LHX4: variants seen among roughly 807,000 people sequenced by gnomAD.
The protein encoded by LHX4 is LIM homeobox 4.
A neutral mutation model predicts 39.2 loss-of-function variants in LHX4; 16 were observed. The observed-to-expected ratio is 0.41, with a 90% CI of 0.28 to 0.62. The LOEUF (loss-of-function observed/expected upper bound fraction) is 0.62. Ranked by LOEUF, LHX4 falls within the 20% of genes least tolerant of loss-of-function variation. LHX4 has a pLI of 0.33. For synonymous variants in LHX4, 206 were observed against 198.1 expected (o/e 1.04, Z -0.33); for missense variants, 439 against 511.9 (o/e 0.86, Z 1.37).
rs571614917 is a variant in LHX4, at chr1:180,234,703, G to T, written c.76+4098G>T. Among the ~76,000 whole-genome samples, 2 of 152,360 alleles carry T rather than the reference G, an allele frequency of 1.3e-5. No homozygotes were observed. Among genetic ancestry groups the T allele is most frequent in the East Asian group, 1.9e-4 (1 of 5,180 alleles). On this transcript the variant is annotated intron_variant, in intron 1 of 5. Coordinates refer to ENST00000263726, the MANE Select transcript of LHX4 (RefSeq NM_033343.4). This position sits in a 1 kb window ranked among gnomAD's most constrained non-coding sequence, Gnocchi z 4.8. ...GGCAAAGGTCTGCATTGAGCAGTCC[G>T]CAGTGTCCCGGGAAGTCGTAAAGTC...
At position 180,275,845 on chromosome 1, in the gene LHX4, G is replaced by C. The variant is rs1025143576; in HGVS notation, c.*1266G>C. 1.3e-5 allele frequency: 2 copies of C among 152,274 alleles called. No homozygotes were observed. Among genetic ancestry groups the C allele is most frequent in the African/African-American group, 4.8e-5 (2 of 41,456 alleles). 9.4% of individuals were successfully genotyped at this position (152,274 alleles called of 1,614,324 possible). A position where few individuals can be genotyped will look rare whatever the true frequency, so the allele number is the denominator to read the frequency against. On this transcript the variant is annotated 3_prime_UTR_variant, in exon 6 of 6. Coordinates refer to ENST00000263726, the MANE Select transcript of LHX4 (RefSeq NM_033343.4). ...AGAAAGCCAGAACTCTCTGGCCAGT[G>C]GTGGTGCAGGGACTCCCCGTTGTGC...
intron 1 of LHX4, 127 bp from the exon 2 acceptor site, chr1:180,248,158 C>T: frequency 1.2e-6 from 1 of 838,334 alleles, no homozygotes; most frequent in Non-Finnish European, 2.0e-6. Flanking sequence ...CTATATGCAA[C>T]AGCTCTGCGG....
At chr1:180,235,837 A>G (rs2149252525) in intron 1 of LHX4, among the ~76,000 whole-genome samples, 1 of 152,302 alleles carries the variant, frequency 6.6e-6, no homozygotes, top group East Asian at 1.9e-4. Context: ...ACTGGGACCG[A>G]GCGCATCCCT....
At chr1:180,273,625 C>CAGTGAAGA (rs1648827677) in intron 5 of LHX4, 1 of 152,962 alleles carries the variant, frequency 6.5e-6, no homozygotes, top group African/African-American at 2.4e-5. Context: ...TCTTTGTCCC[C>CAGTGAAGA]AGTGAAGAGC....
intron 2 of LHX4, among the ~76,000 whole-genome samples, chr1:180,253,418 G>C (rs2149258347): frequency 6.6e-6 from 1 of 152,332 alleles, no homozygotes; most frequent in East Asian, 1.9e-4. Flanking sequence ...AGCCAGCTGG[G>C]TGCCCCTAGG....
intron 1 of LHX4, among the ~76,000 whole-genome samples, chr1:180,233,580 C>T (rs1204995393): frequency 6.6e-6 from 1 of 152,246 alleles, no homozygotes; most frequent in Non-Finnish European, 1.5e-5. Flanking sequence ...CCCTGCTGGC[C>T]GGCCATGCCC....
intron 1 of LHX4, among the ~76,000 whole-genome samples, chr1:180,237,823 G>C (rs1212011577): frequency 2.0e-5 from 3 of 152,206 alleles, no homozygotes; most frequent in African/African-American, 7.2e-5. Context: ...AAAGTTTCTT[G>C]CTATGAGGGA....
chr1:180,260,557 C>A (rs1648072364), intron 2 of LHX4, among the ~76,000 whole-genome samples: 1 of 151,882 alleles, frequency 6.6e-6, no homozygotes, highest in African/African-American at 2.4e-5. Context: ...TAGTCCTCTC[C>A]TGGGGTCCAG....
rs1571254388 is a variant in LHX4 at position 180,234,192 on chromosome 1, T to C, written c.76+3587T>C. ...AATTATATATATATATATATATATATATATATATATATATATATATATATA... is the reference window on the plus strand; with the variant it reads ...AATTATATATATATATATATATATACATATATATATATATATATATATATA... On this transcript the variant is annotated intron_variant, in intron 1 of 5. Transcript: ENST00000263726. The surrounding 1 kb of genome is among the most constrained non-coding windows in gnomAD (Gnocchi z 4.8). Among the ~76,000 whole-genome samples, 1 of 75,162 alleles carries C rather than the reference T, an allele frequency of 1.3e-5. No homozygotes were observed. Among genetic ancestry groups the C allele is most frequent in the Non-Finnish European group, 2.7e-5 (1 of 37,502 alleles). The allele number at this position is 75,162 out of a possible 152,430, so 49.3% of individuals were successfully genotyped here.
At position 180,230,561 on chromosome 1, in the gene LHX4, G is replaced by C. The variant is rs1203562401; in HGVS notation, c.32G>C (p.Gly11Ala). The C allele has an allele frequency of 1.9e-6, 3 of 1,613,882 alleles. No individual in the cohort carries two copies. The highest frequency in any genetic ancestry group is 2.5e-6 in the Non-Finnish European group (3 of 1,180,012). Residue 11 changes from glycine (G) to alanine (A), a missense_variant, in exon 1 of 6, where the codon GGG becomes GCG. Transcript: ENST00000263726. The surrounding 1 kb of genome is among the most constrained non-coding windows in gnomAD (Gnocchi z 5.8). MMQSATVPAEGAVKGLPEMLG... is the reference protein window; with the variant it reads MMQSATVPAEAAVKGLPEMLG... ...CAGAGTGCGACTGTCCCCGCGGAAG[G>C]GGCTGTCAAGGGGCTCCCGGAGATG...
intron 1 of LHX4, among the ~76,000 whole-genome samples, chr1:180,242,590 T>C (rs1385907054): frequency 6.6e-6 from 1 of 152,100 alleles, no homozygotes; most frequent in African/African-American, 2.4e-5. Context: ...TGGGCTTAGG[T>C]CTATGCCTCG....
At chr1:180,261,221 A>C (rs530793849) in intron 2 of LHX4, among the ~76,000 whole-genome samples, 15 of 150,064 alleles carry the variant, frequency 1.0e-4, no homozygotes, top group Non-Finnish European at 2.1e-4. Context: ...AGGGGAGCTG[A>C]CCGCTGGGCT....
chr1:180,249,291 C>T (rs184950191), intron 2 of LHX4, among the ~76,000 whole-genome samples: 1 of 152,320 alleles, frequency 6.6e-6, no homozygotes, highest in East Asian at 1.9e-4. Context: ...TCAAAAACTT[C>T]CTGTTGGAGC....
upstream of LHX4, among the ~76,000 whole-genome samples, chr1:180,228,613 T>C (rs4259598): frequency 0.06 from 9,127 of 152,260 alleles, 521 homozygotes; most frequent in African/African-American, 0.15. Context: ...CTTTTGCTTT[T>C]TTCTTCTTGT....
In LHX4 at chr1:180,271,391, G is replaced by C; in HGVS notation, c.463G>C (p.Ala155Pro). 6.2e-7 allele frequency: 1 copy of C among 1,614,184 alleles called. No individual in the cohort carries two copies. The highest frequency in any genetic ancestry group is 1.7e-5 in the Admixed American group (1 of 60,026). Residue 155 changes from alanine (A) to proline (P), a missense_variant, in exon 4 of 6, where the codon GCT becomes CCT. Transcript: ENST00000263726. ...GTTTTTCCTTGCAGATGACTCAGAG[G>C]CTGGAGCTAAGCGGCCCCGGACCAC... ...ETAKQNDDSE[A>P]GAKRPRTTIT...
chr1:180,270,776 T>A (rs750495241), intron 3 of LHX4: 1 of 158,372 alleles, frequency 6.3e-6, no homozygotes, highest in Non-Finnish European at 1.4e-5. Context: ...CTTCATCTGA[T>A]TTCCTGTTTT....
Position 180,274,604 on chromosome 1 carries a change from GC to G in LHX4, c.*31del, listed in dbSNP as rs546149199. On this transcript the variant is annotated 3_prime_UTR_variant, in exon 6 of 6. Transcript: ENST00000263726. ...AACTTCTCTCCTCCCCACCCTACCT[GC>G]CCCCCTGGCTTGAGAGAATATCTTC... 2.2e-5 allele frequency: 34 copies of G among 1,536,918 alleles called. No homozygotes were observed. The highest frequency in any genetic ancestry group is 2.9e-5 in the Non-Finnish European group (33 of 1,144,746).
intron 2 of LHX4, among the ~76,000 whole-genome samples, chr1:180,255,782 C>T (rs567820142): frequency 1.2e-4 from 19 of 152,366 alleles, no homozygotes; most frequent in African/African-American, 3.4e-4. Context: ...CCACCCTCCC[C>T]GAGTGGGGCC....
rs1424221942 is a variant in LHX4, at chr1:180,274,805, T to TA, written c.*228dup. The TA allele has an allele frequency of 1.9e-6, 1 of 539,696 alleles. No individual in the cohort carries two copies. The highest frequency in any genetic ancestry group is 3.2e-5 in the Admixed American group (1 of 31,156). The allele number at this position is 539,696 out of a possible 1,614,324, so 33.4% of individuals were successfully genotyped here. On this transcript the variant is annotated 3_prime_UTR_variant, in exon 6 of 6. Coordinates refer to ENST00000263726, the MANE Select transcript of LHX4 (RefSeq NM_033343.4). The stretch of plus-strand genomic sequence containing the variant: ...TCATCTCAGAACACAGCACAGGGGG[T>TA]AATGGCCTAGAGCTCTAGGGACACT...
Sources: allele counts gnomAD v4.1 joint callset (sites outside exome capture counted in the v4.1 genomes callset), GRCh38; gene constraint gnomAD v4.1.1; non-coding constraint Gnocchi (gnomAD v3.1); transcripts MANE v1.5; gene names NCBI Gene and HGNC (gene_info 2026-07-23, HGNC 2026-07-21).